Variants in PCNX4 observed in about 807,000 individuals in gnomAD.
PCNX4 encodes the protein pecanex-like protein 4.
A neutral mutation model predicts 107.2 loss-of-function variants in PCNX4; 103 were observed. That is an observed-to-expected ratio of 0.96 (90% confidence interval 0.82 to 1.13). The LOEUF (loss-of-function observed/expected upper bound fraction) is 1.13, where lower values mean the gene tolerates loss of function less well. Among genes scored for constraint, PCNX4 ranks in the 50% most tolerant of loss-of-function variants. The pLI is 0.00. For missense variants in PCNX4, 1,528 were observed against 1,379.4 expected (o/e 1.11, Z -1.71); for synonymous variants, 541 against 481.7 (o/e 1.12, Z -1.61).
chr14:60,132,659 A>G (rs1286314808), intron 10 of PCNX4, among the ~76,000 whole-genome samples: 2 of 152,278 alleles, frequency 1.3e-5, no homozygotes, highest in South Asian at 4.2e-4. Flanking sequence ...CCATCAAAAA[A>G]GTAAAAAGAC....
chr14:60,122,068 C>T (rs1430928360), intron 8 of PCNX4, among the ~76,000 whole-genome samples: 1 of 152,066 alleles, frequency 6.6e-6, no homozygotes, highest in East Asian at 1.9e-4. Context: ...ACTCCTTTTT[C>T]ACTTGTATAC....
chr14:60,145,000 G>T lies in PCNX4; in HGVS notation c.*10779G>T. ...TTTTGTCTTAAAGATTTTAAAATAA[G>T]AAGAGTCTGCATCCTGTAAAAGAGG... is the stretch of plus-strand genomic sequence containing the variant. On this transcript the variant is annotated 3_prime_UTR_variant, in exon 11 of 11. Transcript: ENST00000406854. The T allele has an allele frequency of 3.1e-6, 5 of 1,600,628 alleles. No homozygotes were observed. Among genetic ancestry groups the T allele is most frequent in the Non-Finnish European group, 4.3e-6 (5 of 1,176,228 alleles).
In PCNX4 at chr14:60,121,161, C is replaced by CTTTTTTTTTTTTTTTTTTTTTTT. The variant is rs747483127; in HGVS notation, c.1943-15_1943-14insTTTTTTTTTTTTTTTTTTTTTTT. On this transcript the variant is annotated intron_variant, in intron 7 of 10. Coordinates refer to ENST00000406854, the MANE Select transcript of PCNX4 (RefSeq NM_001330177.2). ...ATAAAAGAAGTTTGAAAATGATTTT[C>CTTTTTTTTTTTTTTTTTTTTTTT]TTTTTTTTTTTTTTTTTTTTCTAAT... is the stretch of plus-strand genomic sequence containing the variant. 1.5e-5 allele frequency: 16 copies of CTTTTTTTTTTTTTTTTTTTTTTT among 1,103,158 alleles called. 1 individual carries two copies. Among genetic ancestry groups the CTTTTTTTTTTTTTTTTTTTTTTT allele is most frequent in the South Asian group, 7.0e-5 (4 of 57,040 alleles). 68.3% of individuals were successfully genotyped at this position (1,103,158 alleles called of 1,614,324 possible).
chr14:60,099,084 A>T (rs748658724), intron 1 of PCNX4, among the ~76,000 whole-genome samples: 22 of 152,200 alleles, frequency 1.4e-4, no homozygotes, highest in Non-Finnish European at 2.9e-4. Context: ...GGTACCCTCA[A>T]CAGATAGCAC....
rs982755062 is a variant in PCNX4 at position 60,147,265 on chromosome 14, A to G, written c.*13044A>G. The stretch of plus-strand genomic sequence containing the variant: ...AAAAAAATGGTAGATATTTTCAGTT[A>G]TAAGATAAATAACTTATGTTATTAT... On this transcript the variant is annotated 3_prime_UTR_variant, in exon 11 of 11. Coordinates refer to ENST00000406854, the MANE Select transcript of PCNX4 (RefSeq NM_001330177.2). 6.6e-6 allele frequency: 1 copy of G among 152,190 alleles called. No individual in the cohort carries two copies. Among genetic ancestry groups the G allele is most frequent in the Admixed American group, 6.5e-5 (1 of 15,278 alleles). The allele number at this position is 152,190 out of a possible 1,614,324, so 9.4% of individuals were successfully genotyped here.
At chr14:60,131,044 G>C (rs1229685341) in intron 10 of PCNX4, among the ~76,000 whole-genome samples, 1 of 151,666 alleles carries the variant, frequency 6.6e-6, no homozygotes, top group Non-Finnish European at 1.5e-5. Context: ...TTTCTGCTTA[G>C]AACAGAATAA....
At position 60,138,577 on chromosome 14, in the gene PCNX4, T is replaced by C. The variant is rs1896268563; in HGVS notation, c.*4356T>C. ...GAAGCAGAAATCAATGGCATGATAT[T>C]TTCAGGTTACTGAAAGAAAATATCT... On this transcript the variant is annotated 3_prime_UTR_variant, in exon 11 of 11. Coordinates refer to ENST00000406854, the MANE Select transcript of PCNX4 (RefSeq NM_001330177.2). The C allele has an allele frequency of 6.6e-6, 1 of 152,224 alleles. No homozygotes were observed. The highest frequency in any genetic ancestry group is 2.4e-5 in the African/African-American group (1 of 41,462). 9.4% of individuals were successfully genotyped at this position (152,224 alleles called of 1,614,324 possible).
intron 1 of PCNX4, among the ~76,000 whole-genome samples, chr14:60,098,560 G>T (rs1171555876): frequency 6.6e-6 from 1 of 152,126 alleles, no homozygotes; most frequent in African/African-American, 2.4e-5. Context: ...CTAGTACTTG[G>T]GTAGACTTTC....
In PCNX4 at chr14:60,144,321, G is replaced by A. The variant is rs1404114061; in HGVS notation, c.*10100G>A. 1.3e-5 allele frequency: 2 copies of A among 152,350 alleles called. No individual in the cohort carries two copies. Among genetic ancestry groups the A allele is most frequent in the African/African-American group, 4.8e-5 (2 of 41,444 alleles). The allele number at this position is 152,350 out of a possible 1,614,324, so 9.4% of individuals were successfully genotyped here. A position where few individuals can be genotyped will look rare whatever the true frequency, so the allele number is the denominator to read the frequency against. On this transcript the variant is annotated 3_prime_UTR_variant, in exon 11 of 11. Transcript: ENST00000406854. Reference sequence around the variant, plus strand: ...GTGAAATATTCTATACATTTATGTTGCTATGGTTTGGATGTTTTTGTCCCC... The same window carrying A: ...GTGAAATATTCTATACATTTATGTTACTATGGTTTGGATGTTTTTGTCCCC...
At chr14:60,126,538 T>C (rs897166314) in intron 10 of PCNX4, among the ~76,000 whole-genome samples, 1 of 152,132 alleles carries the variant, frequency 6.6e-6, no homozygotes, top group Non-Finnish European at 1.5e-5. Flanking sequence ...CCAGTGAGAA[T>C]AGCAAGAGAC....
At chr14:60,110,611 AT>A (rs1895722983) in intron 2 of PCNX4, 1 of 166,876 alleles carries the variant, frequency 6.0e-6, no homozygotes, top group Non-Finnish European at 1.5e-5. Context: ...CTACCCTTAG[AT>A]TTTGGAAGCA....
chr14:60,117,700 C>T (rs1396328846), intron 6 of PCNX4, among the ~76,000 whole-genome samples: 3 of 151,972 alleles, frequency 2.0e-5, no homozygotes, highest in Non-Finnish European at 1.5e-5. Flanking sequence ...CTGAGGTGGG[C>T]GGAGGGGTGT....
chr14:60,132,577 G>A (rs1357807081), intron 10 of PCNX4, among the ~76,000 whole-genome samples: 2 of 151,950 alleles, frequency 1.3e-5, no homozygotes, highest in East Asian at 3.9e-4. Flanking sequence ...GACACCAAAA[G>A]CATGAGAAAC....
intron 7 of PCNX4, 38 bp from the exon 8 acceptor site, chr14:60,121,158 T>A: frequency 6.4e-7 from 1 of 1,551,228 alleles, no homozygotes; most frequent in African/African-American, 1.4e-5. Flanking sequence ...TGAAAATGAT[T>A]TTCTTTTTTT....
chr14:60,107,888 G>T lies in PCNX4; in HGVS notation c.250G>T (p.Ala84Ser). ...TTCAGGTGGATTAATGCTTTTTACTGCATTTGTCATCCAGTTCACAAGTTT... is the reference window on the plus strand; with the variant it reads ...TTCAGGTGGATTAATGCTTTTTACTTCATTTGTCATCCAGTTCACAAGTTT... Reference protein sequence around the residue: ...ALSGGLMLFTAFVIQFTSLYA... With the variant: ...ALSGGLMLFTSFVIQFTSLYA... Residue 84 changes from alanine (A) to serine (S), a missense_variant, in exon 2 of 11, where the codon GCA (alanine) becomes TCA (serine). By Grantham distance (99) the Ala-to-Ser change is moderately conservative. Coordinates refer to ENST00000406854, the MANE Select transcript of PCNX4 (RefSeq NM_001330177.2). 1 of 1,612,798 alleles carries T rather than the reference G, an allele frequency of 6.2e-7. No homozygotes were observed.
rs1252937188 is a variant in PCNX4 at position 60,147,403 on chromosome 14, AAAAG to A, written c.*13183_*13186del. 1 of 152,162 alleles carries A rather than the reference AAAAG, an allele frequency of 6.6e-6. No individual in the cohort carries two copies. The highest frequency in any genetic ancestry group is 2.4e-5 in the African/African-American group (1 of 41,434). 9.4% of individuals were successfully genotyped at this position (152,162 alleles called of 1,614,324 possible). On this transcript the variant is annotated 3_prime_UTR_variant, in exon 11 of 11. Coordinates refer to ENST00000406854, the MANE Select transcript of PCNX4 (RefSeq NM_001330177.2). Reference sequence around the variant, plus strand: ...TTTAAGTGTTCTCACCACACACAAAAAAAGGTAACTGGGTGACATGTATTAATTA... The same window carrying A: ...TTTAAGTGTTCTCACCACACACAAAAGTAACTGGGTGACATGTATTAATTA...
rs973293094 is a variant in PCNX4 at position 60,120,328 on chromosome 14, G to A, written c.1943-868G>A. Among the ~76,000 whole-genome samples the A allele has an allele frequency of 7.2e-5, 11 of 152,138 alleles. 1 individual carries two copies. Among genetic ancestry groups the A allele is most frequent in the Non-Finnish European group, 1.6e-4 (11 of 68,022 alleles). ...ACTGCAGGCTGGTCATGCAGGCGCT[G>A]TCTGCCTAGGACATACCAATACTCC... On this transcript the variant is annotated intron_variant, in intron 7 of 10. Coordinates refer to ENST00000406854, the MANE Select transcript of PCNX4 (RefSeq NM_001330177.2).
intron 1 of PCNX4, among the ~76,000 whole-genome samples, chr14:60,101,377 C>G (rs550245412): frequency 6.6e-6 from 1 of 152,192 alleles, no homozygotes; most frequent in East Asian, 1.9e-4. Context: ...ACTTGTTCGG[C>G]TTTTTTCATC....
At position 60,125,086 on chromosome 14, in the gene PCNX4, T is replaced by G; in HGVS notation, c.2915T>G (p.Val972Gly). The change falls in exon 9 of 11, where the codon GTT becomes GGT. Residue 972 changes from valine (V) to glycine (G), a missense_variant. Physicochemically the swap from Val to Gly is moderately radical, Grantham distance 109 (BLOSUM62 -3). Coordinates refer to ENST00000406854, the MANE Select transcript of PCNX4 (RefSeq NM_001330177.2). ...GACAAAGTTTTAAAAGACTTTTATG[T>G]TCATACAGTAATGACTTGTTATTTT... is the stretch of plus-strand genomic sequence containing the variant. ...AKDKVLKDFY[V>G]HTVMTCYFSL... 1 of 1,613,534 alleles carries G rather than the reference T, an allele frequency of 6.2e-7. No homozygotes were observed. The highest frequency in any genetic ancestry group is 8.5e-7 in the Non-Finnish European group (1 of 1,179,676).
Sources: allele counts gnomAD v4.1 joint callset (sites outside exome capture counted in the v4.1 genomes callset), GRCh38; gene constraint gnomAD v4.1.1; transcripts MANE v1.5; gene names NCBI Gene and HGNC (gene_info 2026-07-23, HGNC 2026-07-21).